Variants in ZNF804A observed in about 807,000 individuals in gnomAD.
The protein encoded by ZNF804A is zinc finger protein 804A.
A neutral mutation model predicts 16.5 loss-of-function variants in ZNF804A; 2 were observed. The ratio of observed to expected loss-of-function variants is 0.12; its 90% CI spans 0.05 to 0.38. The LOEUF (loss-of-function observed/expected upper bound fraction) is 0.38. Ranked by LOEUF, ZNF804A falls within the 10% of genes least tolerant of loss-of-function variation. The pLI, the probability that ZNF804A is intolerant of heterozygous loss-of-function variation, is 0.99. For missense variants in ZNF804A, 1,473 were observed against 1,390.7 expected (o/e 1.06, Z -0.94); for synonymous variants, 534 against 489.6 (o/e 1.09, Z -1.20).
intron 1 of ZNF804A, among the ~76,000 whole-genome samples, chr2:184,807,386 AG>A (rs1694823680): frequency 6.6e-6 from 1 of 151,840 alleles, no homozygotes; most frequent in Non-Finnish European, 1.5e-5. Flanking sequence ...AAGGGGGTGA[AG>A]GGATAGATGT....
At chr2:184,904,501 C>T (rs1287224006) in intron 2 of ZNF804A, among the ~76,000 whole-genome samples, 6 of 152,050 alleles carry the variant, frequency 3.9e-5, no homozygotes, top group Non-Finnish European at 8.8e-5. Context: ...TTTAGTTTCA[C>T]AGGCACAATT....
intron 1 of ZNF804A, among the ~76,000 whole-genome samples, chr2:184,690,429 T>C (rs1296250759): frequency 6.6e-6 from 1 of 152,012 alleles, no homozygotes; most frequent in Non-Finnish European, 1.5e-5. Context: ...ATAAGCTCTA[T>C]ATGGAGTTAC....
chr2:184,893,795 C>T (rs1312322761), intron 2 of ZNF804A, among the ~76,000 whole-genome samples: 1 of 151,960 alleles, frequency 6.6e-6, no homozygotes, highest in Non-Finnish European at 1.5e-5. Context: ...TGCATCAATT[C>T]GTTGATATAT....
chr2:184,726,543 A>C (rs1017863035), intron 1 of ZNF804A, among the ~76,000 whole-genome samples: 1 of 151,626 alleles, frequency 6.6e-6, no homozygotes, highest in Non-Finnish European at 1.5e-5. Flanking sequence ...CTGAAACCAG[A>C]ATTTTGGACG....
At chr2:184,748,197 C>A (rs942855562) in intron 1 of ZNF804A, among the ~76,000 whole-genome samples, 2 of 151,296 alleles carry the variant, frequency 1.3e-5, no homozygotes, top group African/African-American at 4.8e-5. Context: ...TGAGATATCT[C>A]CAAATTGCTT....
intron 1 of ZNF804A, among the ~76,000 whole-genome samples, chr2:184,667,684 C>G (rs924485655): frequency 2.0e-5 from 3 of 151,648 alleles, no homozygotes; most frequent in Admixed American, 2.0e-4. Context: ...TTCTTTTTTC[C>G]TAAGTTTTAT....
chr2:184,774,443 T>C (rs1297092288), intron 1 of ZNF804A, among the ~76,000 whole-genome samples: 1 of 151,848 alleles, frequency 6.6e-6, no homozygotes, highest in Non-Finnish European at 1.5e-5. Flanking sequence ...TAGATGGTTC[T>C]CAGGGGTAGG....
At chr2:184,787,340 A>G (rs1255750461) in intron 1 of ZNF804A, among the ~76,000 whole-genome samples, 3 of 151,956 alleles carry the variant, frequency 2.0e-5, no homozygotes, top group African/African-American at 7.2e-5. Flanking sequence ...TCTCTTTTAT[A>G]TAATGGATTC....
intron 2 of ZNF804A, among the ~76,000 whole-genome samples, chr2:184,900,335 C>T (rs1312840139): frequency 1.3e-5 from 2 of 152,016 alleles, no homozygotes; most frequent in African/African-American, 2.4e-5. Context: ...AGAAATGCTG[C>T]GTATCAATGG....
intron 2 of ZNF804A, among the ~76,000 whole-genome samples, chr2:184,902,957 A>G (rs904889725): frequency 6.6e-6 from 1 of 152,194 alleles, no homozygotes; most frequent in Non-Finnish European, 1.5e-5. Flanking sequence ...CAAATAAAAA[A>G]GACTATACCT....
chr2:184,801,009 A>G (rs1041064863), intron 1 of ZNF804A, among the ~76,000 whole-genome samples: 1 of 151,940 alleles, frequency 6.6e-6, no homozygotes, highest in African/African-American at 2.4e-5. Flanking sequence ...GTACAAGTCT[A>G]TTGGTGATGA....
chr2:184,917,580 C>T (rs1302942437), intron 2 of ZNF804A, among the ~76,000 whole-genome samples: 4 of 151,752 alleles, frequency 2.6e-5, no homozygotes, highest in Non-Finnish European at 5.9e-5. Context: ...ACCATATTCC[C>T]AAAACGTATA....
chr2:184,938,320 T>C lies in ZNF804A; in HGVS notation c.2924T>C (p.Leu975Pro), dbSNP rs1171712432. The C allele has an allele frequency of 1.2e-6, 2 of 1,614,076 alleles. No homozygotes were observed. The highest frequency in any genetic ancestry group is 1.7e-6 in the Non-Finnish European group (2 of 1,180,038). Residue 975 changes from leucine (L) to proline (P), a missense_variant, in exon 4 of 4, where the codon CTG (leucine) becomes CCG (proline). Physicochemically the swap from Leu to Pro is moderately conservative, Grantham distance 98. Transcript: ENST00000302277. ...AAATCCTATCTTTGCCATTATGAAC[T>C]GGCTGAGGCCCTTCCACAAGGAAAG... The part of the protein sequence containing the change: ...QPKSYLCHYE[L>P]AEALPQGKMN...
rs79518858 is a variant in ZNF804A, at chr2:184,725,093, C to T, written c.111+126023C>T. Among the ~76,000 whole-genome samples the T allele has an allele frequency of 7.4e-3, 1,126 of 151,726 alleles. 19 individuals are homozygous for T. The highest frequency in any genetic ancestry group is 0.026 in the African/African-American group (1,068 of 41,504). On this transcript the variant is annotated intron_variant, in intron 1 of 3. Coordinates refer to ENST00000302277, the MANE Select transcript of ZNF804A (RefSeq NM_194250.2). ...TAGAATAAGACACAGTGATTAGCTA[C>T]TAGGACTAGTTCTGCATATTGATTT...
chr2:184,608,571 A>G (rs1339060178), intron 1 of ZNF804A, among the ~76,000 whole-genome samples: 1 of 152,200 alleles, frequency 6.6e-6, no homozygotes, highest in Non-Finnish European at 1.5e-5. Flanking sequence ...AAGCTCCATC[A>G]CAGTCATAGA....
intron 1 of ZNF804A, among the ~76,000 whole-genome samples, chr2:184,686,191 G>A (rs1692627579): frequency 6.6e-6 from 1 of 152,214 alleles, no homozygotes; most frequent in Non-Finnish European, 1.5e-5. Context: ...GGATGCCTGG[G>A]TCCAGAGCCA....
intron 2 of ZNF804A, among the ~76,000 whole-genome samples, chr2:184,905,509 T>C (rs984851237): frequency 6.6e-6 from 1 of 152,164 alleles, no homozygotes; most frequent in Non-Finnish European, 1.5e-5. Flanking sequence ...GAGATTTGCA[T>C]GTGTCGCTTT....
chr2:184,789,658 A>C (rs1298809782), intron 1 of ZNF804A, among the ~76,000 whole-genome samples: 3 of 151,900 alleles, frequency 2.0e-5, no homozygotes, highest in African/African-American at 7.3e-5. Flanking sequence ...GATCTTTTGC[A>C]TTTCTCTGGT....
At chr2:184,909,909 A>T (rs1251357302) in intron 2 of ZNF804A, among the ~76,000 whole-genome samples, 1 of 152,066 alleles carries the variant, frequency 6.6e-6, no homozygotes, top group Admixed American at 6.6e-5. Context: ...TTATTTTTTA[A>T]ACAAAAGAGG....
Sources: gnomAD v4.1 joint callset for allele counts (sites outside exome capture counted in the v4.1 genomes callset) on GRCh38, gnomAD v4.1.1 for gene constraint, MANE v1.5 for transcripts, NCBI Gene and HGNC (gene_info 2026-07-23, HGNC 2026-07-21) for gene names.